The following BACE1 variants were observed in gnomAD, a reference collection of about 807,000 sequenced individuals.
BACE1 encodes APP beta-secretase.
A neutral mutation model predicts 54.0 loss-of-function variants in BACE1; 21 were observed. The observed-to-expected ratio is 0.39, with a 90% CI of 0.28 to 0.56. BACE1 has a LOEUF of 0.56. BACE1 is among the 20% of genes least tolerant of loss of function. The probability of loss-of-function intolerance (pLI) is 0.63; values close to 1 mark genes in which losing one functional copy is unlikely to be tolerated. For missense variants in BACE1, 511 were observed against 661.2 expected, an observed-to-expected ratio of 0.77 and a Z score of 2.49; for synonymous variants, 232 against 260.9, an observed-to-expected ratio of 0.89 and a Z score of 1.07.
At chr11:117,292,828 A>G in intron 5 of BACE1, 1 of 492,850 alleles carries the variant, frequency 2.0e-6, no homozygotes, top group South Asian at 2.6e-5. Flanking sequence ...GAGTCCAGAC[A>G]TCAGAACTAG....
chr11:117,295,657 C>T, intron 2 of BACE1: 1 of 1,524,300 alleles, frequency 6.6e-7, no homozygotes, highest in Admixed American at 2.0e-5. Context: ...GCTGCTGCTG[C>T]AGGGACAGCT....
At chr11:117,289,970 A>C (rs537068393) in intron 8 of BACE1, among the ~76,000 whole-genome samples, 163 bp from the exon 9 acceptor site, 3 of 152,310 alleles carry the variant, frequency 2.0e-5, no homozygotes, top group Admixed American at 2.0e-4. Flanking sequence ...CACCAGGTAG[A>C]GGCCTGTCTC....
chr11:117,300,466 G>T (rs190784968), intron 1 of BACE1, among the ~76,000 whole-genome samples: 4 of 152,310 alleles, frequency 2.6e-5, no homozygotes, highest in African/African-American at 7.2e-5. Context: ...GGGGGGATGG[G>T]GGGGGCTCTT....
At chr11:117,313,481 C>T (rs1474824828) in intron 1 of BACE1, among the ~76,000 whole-genome samples, 1 of 152,184 alleles carries the variant, frequency 6.6e-6, no homozygotes, top group East Asian at 1.9e-4. Flanking sequence ...GTTGCCCAGG[C>T]TGGAGGGCAA....
rs541466614 is a variant in BACE1 at position 117,296,549 on chromosome 11, C to G, written c.350+324G>C. 2.0e-5 allele frequency among the ~76,000 whole-genome samples: 3 copies of G among 152,200 alleles called. No homozygotes were observed. The East Asian group carries it at 5.8e-4, about 29-fold the overall frequency. On this transcript the variant is annotated intron_variant, in intron 2 of 8. Coordinates refer to ENST00000313005, the MANE Select transcript of BACE1 (RefSeq NM_012104.6). The stretch of plus-strand genomic sequence containing the variant: ...GAGGGGATGTGGGGTTTTCGTCTCC[C>G]CATTCAGGCAGAGAAAATGGGCCCC...
rs1009674631 is a variant in BACE1 at position 117,288,971 on chromosome 11, C to T, written c.*595G>A. On this transcript the variant is annotated 3_prime_UTR_variant, in exon 9 of 9. Coordinates refer to ENST00000313005, the MANE Select transcript of BACE1 (RefSeq NM_012104.6). ...ATTCCCTGTCTTTGTACTCCCTCTCCTTCTCCTCTTTCCAGCCGCCCCCAT... is the reference window on the plus strand; with the variant it reads ...ATTCCCTGTCTTTGTACTCCCTCTCTTTCTCCTCTTTCCAGCCGCCCCCAT... 6.5e-6 allele frequency: 1 copy of T among 153,646 alleles called. No homozygotes were observed. The highest frequency in any genetic ancestry group is 6.4e-5 in the Admixed American group (1 of 15,544). The allele number at this position is 153,646 out of a possible 1,614,324, so 9.5% of individuals were successfully genotyped here. A position where few individuals can be genotyped will look rare whatever the true frequency, so the allele number is the denominator to read the frequency against.
At chr11:117,304,947 T>A (rs2034797667) in intron 1 of BACE1, among the ~76,000 whole-genome samples, 1 of 150,594 alleles carries the variant, frequency 6.6e-6, no homozygotes, top group Admixed American at 6.7e-5. Flanking sequence ...CCTATGACCC[T>A]ATGGACTCTT....
rs199573325 is a variant in BACE1, at chr11:117,293,223, G to A, written c.706-35C>T. 1.2e-5 allele frequency: 20 copies of A among 1,608,780 alleles called. No homozygotes were observed. The Admixed American group carries it at 3.4e-4, about 27-fold the overall frequency. On this transcript the variant is annotated intron_variant, in intron 4 of 8. Coordinates refer to ENST00000313005, the MANE Select transcript of BACE1 (RefSeq NM_012104.6). This position sits in a 1 kb window ranked among gnomAD's most constrained non-coding sequence, Gnocchi z 4.1. ...AAAAGAGGCAGGTACCCGTGTCCTG[G>A]CACAGAAGGAGAGTGAGTCCCCCAA...
At position 117,315,843 on chromosome 11, in the gene BACE1, C is replaced by A; in HGVS notation, c.-48G>T. Reference sequence around the variant, plus strand: ...CTCTGGGCTCGCACTGGCCCACGTCCGTCCCTGGCGCCTGCCCCCAAGTCT... The same window carrying A: ...CTCTGGGCTCGCACTGGCCCACGTCAGTCCCTGGCGCCTGCCCCCAAGTCT... On this transcript the variant is annotated 5_prime_UTR_variant, in exon 1 of 9. Coordinates refer to ENST00000313005, the MANE Select transcript of BACE1 (RefSeq NM_012104.6). The surrounding 1 kb of genome is among the most constrained non-coding windows in gnomAD (Gnocchi z 5.5). 2.9e-6 allele frequency: 4 copies of A among 1,369,792 alleles called. No homozygotes were observed. The highest frequency in any genetic ancestry group is 3.7e-6 in the Non-Finnish European group (4 of 1,069,140). 84.9% of individuals were successfully genotyped at this position (1,369,792 alleles called of 1,614,324 possible).
chr11:117,309,114 C>T (rs576807659), intron 1 of BACE1, among the ~76,000 whole-genome samples: 2 of 152,262 alleles, frequency 1.3e-5, no homozygotes, highest in Admixed American at 6.6e-5. Flanking sequence ...ACTGGTTAAA[C>T]GATGGATGAA....
intron 1 of BACE1, chr11:117,314,519 C>T (rs1179849503): frequency 6.6e-6 from 1 of 152,450 alleles, no homozygotes; most frequent in Non-Finnish European, 1.5e-5. Flanking sequence ...GGACAGACTT[C>T]CCAGACACAG....
In BACE1 at chr11:117,315,675, G is replaced by T; in HGVS notation, c.121C>A (p.Leu41Met). Reference protein sequence around the residue: ...RSGLGGAPLGLRLPRETDEEP... With the variant: ...RSGLGGAPLGMRLPRETDEEP... ...TCGTCGGTCTCCCGGGGCAGCCGCA[G>T]CCCCAGGGGGGCGCCCCCCAGGCCG... The change falls in exon 1 of 9, where the codon CTG becomes ATG. Residue 41 changes from leucine (L) to methionine (M), a missense_variant. Physicochemically the swap from Leu to Met is conservative, Grantham distance 15. Transcript: ENST00000313005. The surrounding 1 kb of genome is among the most constrained non-coding windows in gnomAD (Gnocchi z 5.5). The T allele has an allele frequency of 6.5e-7, 1 of 1,534,670 alleles. No individual in the cohort carries two copies.
intron 5 of BACE1, chr11:117,292,774 C>T (rs2034480242): frequency 6.7e-6 from 2 of 298,694 alleles, no homozygotes; most frequent in South Asian, 1.0e-4. Context: ...ATCACCCTGT[C>T]TCACAAAAGA....
chr11:117,290,846 G>A, intron 7 of BACE1, 54 bp downstream of exon 7: 1 of 1,591,402 alleles, frequency 6.3e-7, no homozygotes, highest in Admixed American at 1.7e-5. Context: ...CCTGCTCACT[G>A]TCTCCCAGTG....
intron 5 of BACE1, chr11:117,292,444 A>G (rs904589697): frequency 6.6e-6 from 1 of 152,034 alleles, no homozygotes; most frequent in African/African-American, 2.4e-5. Context: ...TTGGCCTCCC[A>G]GAGTGCTGGG....
At chr11:117,299,658 G>A (rs1364617774) in intron 1 of BACE1, 1 of 403,612 alleles carries the variant, frequency 2.5e-6, no homozygotes, top group Non-Finnish European at 4.9e-6. Context: ...CTCTACCCGT[G>A]GTCTCTCTCC....
chr11:117,289,898 C>G, intron 8 of BACE1, 91 bp from the exon 9 acceptor site: 1 of 1,176,062 alleles, frequency 8.5e-7, no homozygotes, highest in South Asian at 1.4e-5. Flanking sequence ...TTGAAATTAG[C>G]CCATGCAGAA....
chr11:117,294,102 G>A (rs1034769561), intron 3 of BACE1, 94 bp from the exon 4 acceptor site: 1 of 1,432,974 alleles, frequency 7.0e-7, no homozygotes, highest in Non-Finnish European at 9.5e-7. Flanking sequence ...TTGAAGGCTT[G>A]GGGGATGCTC....
chr11:117,292,996 C>G, intron 5 of BACE1, 58 bp downstream of exon 5: 1 of 1,586,404 alleles, frequency 6.3e-7, no homozygotes, highest in Non-Finnish European at 8.6e-7. Context: ...CCAGAGTCTT[C>G]CTTCACATTG....
Sources: gnomAD v4.1 joint callset for allele counts (sites outside exome capture counted in the v4.1 genomes callset) on GRCh38, gnomAD v4.1.1 for gene constraint, Gnocchi (gnomAD v3.1) non-coding constraint, MANE v1.5 for transcripts, NCBI Gene and HGNC (gene_info 2026-07-23, HGNC 2026-07-21) for gene names.